Variants in PPP4R3A observed in about 807,000 individuals in gnomAD.
PPP4R3A encodes serine/threonine-protein phosphatase 4 regulatory subunit 3A.
PPP4R3A carries 15 observed loss-of-function variants against 91.7 expected under a neutral mutation model. The ratio of observed to expected loss-of-function variants is 0.16; its 90% CI spans 0.11 to 0.25. PPP4R3A has a LOEUF of 0.25. PPP4R3A is among the 10% of genes least tolerant of loss of function. The pLI, the probability that PPP4R3A is intolerant of heterozygous loss-of-function variation, is 1.00. For missense variants in PPP4R3A, 623 were observed against 998.4 expected, an observed-to-expected ratio of 0.62 and a Z score of 5.07; for synonymous variants, 377 against 348.7, an observed-to-expected ratio of 1.08 and a Z score of -0.91.
At chr14:91,505,170 C>T (rs916507891) in intron 1 of PPP4R3A, among the ~76,000 whole-genome samples, 2 of 151,956 alleles carry the variant, frequency 1.3e-5, no homozygotes, top group Admixed American at 6.6e-5. Flanking sequence ...AAAAGAAACG[C>T]GGCCGGGTGT....
chr14:91,482,402 C>T (rs1889624430), intron 3 of PPP4R3A, among the ~76,000 whole-genome samples: 1 of 152,166 alleles, frequency 6.6e-6, no homozygotes, highest in Non-Finnish European at 1.5e-5. Context: ...ACAGAATGAG[C>T]TTCCCTATAA....
rs1351026029 is a variant in PPP4R3A at position 91,461,441 on chromosome 14, AGATCCTGGG to A, written c.2322_2330del (p.Pro781_Ser783del). 6.2e-6 allele frequency: 10 copies of A among 1,614,054 alleles called. No individual in the cohort carries two copies. The highest frequency in any genetic ancestry group is 8.5e-6 in the Non-Finnish European group (10 of 1,180,002). On this transcript the variant is annotated inframe_deletion, in exon 14 of 15. Transcript: ENST00000554943. ...TAGGTACGGATCCAGGAGAGCCTGGAGATCCTGGGGATCCAGGTGATCCCGGAGAACCAG... is the reference window on the plus strand; with the variant it reads ...TAGGTACGGATCCAGGAGAGCCTGGAGATCCAGGTGATCCCGGAGAACCAG...
intron 1 of PPP4R3A, among the ~76,000 whole-genome samples, chr14:91,498,206 A>C (rs1010391059): frequency 6.6e-6 from 1 of 151,914 alleles, no homozygotes; most frequent in African/African-American, 2.4e-5. Context: ...GTGGTGGTGC[A>C]TGCCTGTAAT....
chr14:91,462,004 G>A (rs760439968), intron 13 of PPP4R3A, 45 bp downstream of exon 13: 9 of 1,446,980 alleles, frequency 6.2e-6, no homozygotes, highest in Non-Finnish European at 8.2e-6. Flanking sequence ...TAAATCTAGA[G>A]TAAGAAAGCC....
intron 11 of PPP4R3A, among the ~76,000 whole-genome samples, chr14:91,463,605 T>C (rs2090150149): frequency 6.6e-6 from 1 of 151,814 alleles, no homozygotes; most frequent in African/African-American, 2.4e-5. Context: ...GGCTAAGTTT[T>C]AACAAAAAAT....
chr14:91,460,854 CG>C (rs1460262854), intron 14 of PPP4R3A, among the ~76,000 whole-genome samples: 1 of 152,024 alleles, frequency 6.6e-6, no homozygotes, highest in Non-Finnish European at 1.5e-5. Flanking sequence ...CTCCTGACCT[CG>C]TGTCCTGCCC....
At chr14:91,474,766 G>A (rs962008271) in intron 7 of PPP4R3A, 1 of 151,948 alleles carries the variant, frequency 6.6e-6, no homozygotes, top group African/African-American at 2.4e-5. Flanking sequence ...GGGACTATGG[G>A]TGCATGCCAC....
chr14:91,470,454 TTC>T (rs1888766548), intron 10 of PPP4R3A, among the ~76,000 whole-genome samples: 1 of 152,208 alleles, frequency 6.6e-6, no homozygotes, highest in African/African-American at 2.4e-5. Context: ...CCATATTCAT[TTC>T]TCTCTTCTCA....
At chr14:91,497,559 G>T (rs55778287) in intron 1 of PPP4R3A, among the ~76,000 whole-genome samples, 1 of 152,184 alleles carries the variant, frequency 6.6e-6, no homozygotes, top group Non-Finnish European at 1.5e-5. Context: ...AGTACAATTA[G>T]ATCTGCCACT....
At chr14:91,505,221 G>A (rs1450423888) in intron 1 of PPP4R3A, among the ~76,000 whole-genome samples, 1 of 152,116 alleles carries the variant, frequency 6.6e-6, no homozygotes, top group Non-Finnish European at 1.5e-5. Flanking sequence ...GGGAGGCTGA[G>A]GAGGGCGGAT....
At chr14:91,491,852 A>C (rs1203921965) in intron 1 of PPP4R3A, among the ~76,000 whole-genome samples, 6 of 152,210 alleles carry the variant, frequency 3.9e-5, no homozygotes, top group African/African-American at 1.4e-4. Context: ...TAGTTGGGAC[A>C]GGTGCCAGCT....
intron 5 of PPP4R3A, 35 bp downstream of exon 5, chr14:91,476,874 T>C: frequency 6.5e-7 from 1 of 1,539,648 alleles, no homozygotes; most frequent in Non-Finnish European, 8.8e-7. Flanking sequence ...CCAGTTGTTT[T>C]ATTTTTATGC....
At chr14:91,496,242 T>A (rs974198357) in intron 1 of PPP4R3A, among the ~76,000 whole-genome samples, 2 of 152,224 alleles carry the variant, frequency 1.3e-5, no homozygotes, top group African/African-American at 4.8e-5. Flanking sequence ...GGTTATTTTT[T>A]GAAAATTCAT....
chr14:91,491,866 A>T (rs546649639), intron 1 of PPP4R3A, among the ~76,000 whole-genome samples: 1 of 152,072 alleles, frequency 6.6e-6, no homozygotes, highest in African/African-American at 2.4e-5. Context: ...GCCAGCTACC[A>T]TGCTTGGTTA....
chr14:91,507,420 A>ATTATATACTATATAG (rs1566660360), intron 1 of PPP4R3A, among the ~76,000 whole-genome samples: 2 of 79,790 alleles, frequency 2.5e-5, no homozygotes, highest in African/African-American at 1.1e-4. Context: ...ATACTATATA[A>ATTATATACTATATAG]TATATATACT....
At position 91,458,701 on chromosome 14, in the gene PPP4R3A, G is replaced by A. The variant is rs765227944; in HGVS notation, c.*58C>T. The A allele has an allele frequency of 2.2e-5, 36 of 1,612,954 alleles. No homozygotes were observed. In the South Asian group the frequency reaches 2.8e-4, roughly 12 times the overall value. On this transcript the variant is annotated 3_prime_UTR_variant, in exon 15 of 15. Coordinates refer to ENST00000554943, the MANE Select transcript of PPP4R3A (RefSeq NM_001366432.2). ...GCGCTTTGTTGTGGATTTTGTATGG[G>A]GGAGGGGTGGAGAACCAGTTTTTTT...
At chr14:91,485,542 T>C in intron 3 of PPP4R3A, 90 bp downstream of exon 3, 1 of 865,314 alleles carries the variant, frequency 1.2e-6, no homozygotes. Flanking sequence ...CAATTTGAAA[T>C]TTATTTAAAC....
At chr14:91,484,172 T>A (rs757902908) in intron 3 of PPP4R3A, among the ~76,000 whole-genome samples, 3 of 152,238 alleles carry the variant, frequency 2.0e-5, no homozygotes, top group African/African-American at 4.8e-5. Flanking sequence ...TATTCAGATA[T>A]AAATGTTAGT....
chr14:91,510,010 G>T lies in PPP4R3A; in HGVS notation c.-363C>A. 1 of 953,634 alleles carries T rather than the reference G, an allele frequency of 1.0e-6. No individual in the cohort carries two copies. Among genetic ancestry groups the T allele is most frequent in the Non-Finnish European group, 1.3e-6 (1 of 797,310 alleles). The allele number at this position is 953,634 out of a possible 1,614,324, so 59.1% of individuals were successfully genotyped here. On this transcript the variant is annotated 5_prime_UTR_variant, in exon 1 of 15. The change creates a new upstream start codon in the 5' untranslated region. Transcript: ENST00000554943. ...CCTCCGCCATGATCTCCGCGAAGCA[G>T]CTTCCCGCGCCGCCGCCGCCTCCTC...
Sources: gnomAD v4.1 joint callset for allele counts (sites outside exome capture counted in the v4.1 genomes callset) on GRCh38, gnomAD v4.1.1 for gene constraint, MANE v1.5 for transcripts, NCBI Gene and HGNC (gene_info 2026-07-23, HGNC 2026-07-21) for gene names.